The following VNN1 variants were observed in gnomAD, a reference collection of about 807,000 sequenced individuals.
VNN1 encodes the protein pantetheinase.
VNN1 carries 29 observed loss-of-function variants against 41.9 expected under a neutral mutation model. That is an observed-to-expected ratio of 0.69 (90% CI 0.52 to 0.94). The LOEUF is 0.94. Among genes scored for constraint, VNN1 ranks in the 40% least tolerant of loss-of-function variants. The pLI, the probability that VNN1 is intolerant of heterozygous loss-of-function variation, is 0.00. For synonymous variants in VNN1, 233 were observed against 224.4 expected (o/e 1.04, Z -0.34); for missense variants, 637 against 621.1 (o/e 1.03, Z -0.27).
intron 5 of VNN1, among the ~76,000 whole-genome samples, chr6:132,685,587 A>G (rs889630068): frequency 6.6e-6 from 1 of 151,576 alleles, no homozygotes; most frequent in African/African-American, 2.4e-5. Flanking sequence ...TGATACAAAA[A>G]GTAGTAATTG....
intron 6 of VNN1, 48 bp downstream of exon 6, chr6:132,684,287 G>C (rs776089885): frequency 1.9e-6 from 3 of 1,554,464 alleles, no homozygotes; most frequent in Non-Finnish European, 1.7e-6. Context: ...ATATCAAAAA[G>C]TGCTTCCTCT....
Position 132,682,599 on chromosome 6 carries a change from CT to C in VNN1, c.*540del, listed in dbSNP as rs1241668590. On this transcript the variant is annotated 3_prime_UTR_variant, in exon 7 of 7. Coordinates refer to ENST00000367928, the MANE Select transcript of VNN1 (RefSeq NM_004666.3). ...TTGAATTAGGGTCTATCCTAATGAC[CT>C]TATTTTACCTCTTTAAAGACCCTGT... 2 of 152,412 alleles carry C rather than the reference CT, an allele frequency of 1.3e-5. No individual in the cohort carries two copies. Among genetic ancestry groups the C allele is most frequent in the Non-Finnish European group, 2.9e-5 (2 of 68,276 alleles). 9.4% of individuals were successfully genotyped at this position (152,412 alleles called of 1,614,324 possible). A position where few individuals can be genotyped will look rare whatever the true frequency, so the allele number is the denominator to read the frequency against.
rs186690213 is a variant in VNN1, at chr6:132,713,889, A to C, written c.147T>G (p.Ala49=). 4 of 1,613,908 alleles carry C rather than the reference A, an allele frequency of 2.5e-6. No individual in the cohort carries two copies. In the East Asian group the frequency reaches 8.9e-5, roughly 36 times the overall value. The change falls in exon 1 of 7, where the codon GCT becomes GCG. Residue 49 remains alanine (A), a synonymous_variant. Transcript: ENST00000367928. ...ATLTPVSREE[A]LALMNRNLDI... Reference sequence around the variant, plus strand: ...CCAGATTCCGATTCATTAATGCCAAAGCCTCCTCACGAGACACTGGTGTTA... The same window carrying C: ...CCAGATTCCGATTCATTAATGCCAACGCCTCCTCACGAGACACTGGTGTTA...
rs529979177 is a variant in VNN1, at chr6:132,692,145, T to C, written c.1188+78A>G. On this transcript the variant is annotated intron_variant, in intron 5 of 6. Coordinates refer to ENST00000367928, the MANE Select transcript of VNN1 (RefSeq NM_004666.3). ...GTGATATGCTTATACTAAAAAATCA[T>C]TCATTATTTATCTAAACTGTATATT... The C allele has an allele frequency of 2.5e-4, 345 of 1,403,346 alleles. 3 individuals are homozygous for C. In the South Asian group the frequency reaches 5.9e-3, roughly 24 times the overall value. The allele number at this position is 1,403,346 out of a possible 1,614,324, so 86.9% of individuals were successfully genotyped here.
intron 1 of VNN1, among the ~76,000 whole-genome samples, chr6:132,713,512 C>T (rs1778632156): frequency 6.6e-6 from 1 of 152,160 alleles, no homozygotes; most frequent in Non-Finnish European, 1.5e-5. Context: ...GTCCCTGACC[C>T]ATTTATCCTC....
At chr6:132,697,251 C>T (rs1315573674) in intron 2 of VNN1, among the ~76,000 whole-genome samples, 1 of 152,064 alleles carries the variant, frequency 6.6e-6, no homozygotes, top group Non-Finnish European at 1.5e-5. Flanking sequence ...ACTATTAAAG[C>T]CTTTGAAGAC....
rs562340084 is a variant in VNN1, at chr6:132,694,710, A to AT, written c.342-529_342-528insA. Among the ~76,000 whole-genome samples the AT allele has an allele frequency of 1.4e-3, 209 of 152,102 alleles. 4 individuals carry two copies. Among genetic ancestry groups the AT allele is most frequent in the African/African-American group, 4.8e-3 (198 of 41,476 alleles). ...TCTCTACAAAAAATGAAAAAAAAAA[A>AT]AAATAGCCAGGCATAGTGGTGTGTG... is the stretch of plus-strand genomic sequence containing the variant. On this transcript the variant is annotated intron_variant, in intron 2 of 6. Transcript: ENST00000367928.
At chr6:132,702,841 C>A (rs369841822) in intron 2 of VNN1, among the ~76,000 whole-genome samples, 1 of 152,154 alleles carries the variant, frequency 6.6e-6, no homozygotes, top group Non-Finnish European at 1.5e-5. Context: ...ACTAAAGAGC[C>A]CTTGGGCTTT....
chr6:132,690,008 T>C (rs1263303390), intron 5 of VNN1, among the ~76,000 whole-genome samples: 1 of 152,212 alleles, frequency 6.6e-6, no homozygotes, highest in African/African-American at 2.4e-5. Context: ...TCCGTTTTCC[T>C]GTTCCACATC....
chr6:132,687,032 C>T (rs548857885), intron 5 of VNN1, among the ~76,000 whole-genome samples: 2 of 151,952 alleles, frequency 1.3e-5, no homozygotes, highest in Admixed American at 6.6e-5. Context: ...GAGAAAATGT[C>T]GGAAAATTAG....
chr6:132,692,084 C>A (rs1778294738), intron 5 of VNN1, 139 bp downstream of exon 5: 25 of 952,556 alleles, frequency 2.6e-5, no homozygotes, highest in South Asian at 2.1e-4. Flanking sequence ...TTCAAATAAA[C>A]AACAAAATTT....
At chr6:132,692,725 A>T in intron 4 of VNN1, 141 bp from the exon 5 acceptor site, 1 of 1,237,082 alleles carries the variant, frequency 8.1e-7, no homozygotes, top group Non-Finnish European at 1.1e-6. Context: ...AAACATGCTG[A>T]TAAAGACAGA....
Position 132,693,050 on chromosome 6 carries a change from A to C in VNN1, c.800T>G (p.Ile267Arg), listed in dbSNP as rs763398739. Residue 267 changes from isoleucine to arginine, a missense_variant, in exon 4 of 7, where the codon ATA becomes AGA. Physicochemically the swap from Ile to Arg is moderately conservative, Grantham distance 97 (BLOSUM62 -3). Transcript: ENST00000367928. ...GMRVNFLASNIHYPSKKMTGS... is the reference protein window; with the variant it reads ...GMRVNFLASNRHYPSKKMTGS... ...TGTCATTTTCTTTGAGGGGTAATGT[A>C]TGTTGGATGCAAGGAAATTGACCCT... 6.2e-7 allele frequency: 1 copy of C among 1,612,918 alleles called. No homozygotes were observed.
intron 2 of VNN1, among the ~76,000 whole-genome samples, chr6:132,703,453 T>C (rs2327274): frequency 0.038 from 5,826 of 152,284 alleles, 194 homozygotes; most frequent in South Asian, 0.097. Context: ...TTCTCTTTGC[T>C]TGTTAGTTTA....
rs375154445 is a variant in VNN1, at chr6:132,711,072, C to T, written c.341+637G>A. ...TTTTAATGATCACCATTCTAACTGGCGTTGTGCGGTTTTGAGAATAGTTCC... is the reference window on the plus strand; with the variant it reads ...TTTTAATGATCACCATTCTAACTGGTGTTGTGCGGTTTTGAGAATAGTTCC... On this transcript the variant is annotated intron_variant, in intron 2 of 6. Transcript: ENST00000367928. Among the ~76,000 whole-genome samples, 57 of 152,236 alleles carry T rather than the reference C, an allele frequency of 3.7e-4. 1 individual carries two copies. Among genetic ancestry groups the T allele is most frequent in the Admixed American group, 8.5e-4 (13 of 15,286 alleles).
chr6:132,689,545 T>C (rs1384966784), intron 5 of VNN1, among the ~76,000 whole-genome samples: 1 of 152,202 alleles, frequency 6.6e-6, no homozygotes, highest in Non-Finnish European at 1.5e-5. Context: ...CAAGAGTCTC[T>C]ACTTCCTTGG....
intron 2 of VNN1, among the ~76,000 whole-genome samples, chr6:132,703,387 G>T (rs559736864): frequency 6.6e-6 from 1 of 150,740 alleles, no homozygotes; most frequent in Non-Finnish European, 1.5e-5. Flanking sequence ...TAAATAGAAA[G>T]TATTAAAAAT....
chr6:132,684,444 G>C lies in VNN1; in HGVS notation c.1250C>G (p.Thr417Arg). 6.2e-7 allele frequency: 1 copy of C among 1,613,946 alleles called. No homozygotes were observed. Among genetic ancestry groups the C allele is most frequent in the Non-Finnish European group, 8.5e-7 (1 of 1,179,896 alleles). ...GAACATTTCAAACCTGGTAGAAGCT[G>C]TTTCAGCTGAGTCACCGCAAGTGTT... The part of the protein sequence containing the change: ...NLNTCGDSAE[T>R]ASTRFEMFSL... Residue 417 changes from threonine to arginine, a missense_variant, in exon 6 of 7, where the codon ACA becomes AGA. Coordinates refer to ENST00000367928, the MANE Select transcript of VNN1 (RefSeq NM_004666.3).
chr6:132,684,200 T>C, intron 6 of VNN1, 135 bp downstream of exon 6: 1 of 895,854 alleles, frequency 1.1e-6, no homozygotes, highest in African/African-American at 1.7e-5. Context: ...CTCAATGTCC[T>C]TCATGATCCC....
Sources: allele counts gnomAD v4.1 joint callset (sites outside exome capture counted in the v4.1 genomes callset), GRCh38; gene constraint gnomAD v4.1.1; transcripts MANE v1.5; gene names NCBI Gene and HGNC (gene_info 2026-07-23, HGNC 2026-07-21).